The following CDH13 variants were observed in gnomAD, a reference collection of about 807,000 sequenced individuals.
CDH13 encodes cadherin 13.
CDH13 carries 24 observed loss-of-function variants against 63.8 expected under a neutral mutation model. That is an observed-to-expected ratio of 0.38 (90% CI 0.27 to 0.53). The LOEUF (loss-of-function observed/expected upper bound fraction) is 0.53. CDH13 is among the 20% of genes least tolerant of loss of function. The pLI is 0.85. For missense variants in CDH13, 1,049 were observed against 903.1 expected (o/e 1.16, Z -2.07); for synonymous variants, 503 against 355.3 (o/e 1.42, Z -4.67).
chr16:82,700,354 G>A (rs111856844), intron 1 of CDH13, among the ~76,000 whole-genome samples: 83 of 152,306 alleles, frequency 5.4e-4, no homozygotes, highest in African/African-American at 1.7e-3. Flanking sequence ...AGTACCATGC[G>A]TAAAACGTGA....
chr16:82,966,529 T>C lies in CDH13; in HGVS notation c.158-65481T>C, dbSNP rs537832230. On this transcript the variant is annotated intron_variant, in intron 2 of 13. Coordinates refer to ENST00000567109, the MANE Select transcript of CDH13 (RefSeq NM_001257.5). ...CTGAGTTCATCACTGCCAGTCAATC[T>C]GGGCTCAAACATTCCGATCCAGATT... Among the ~76,000 whole-genome samples the C allele has an allele frequency of 7.5e-4, 115 of 152,372 alleles. 1 individual carries two copies. The highest frequency in any genetic ancestry group is 2.7e-3 in the African/African-American group (111 of 41,586).
chr16:83,082,821 A>G (rs2033344114), intron 3 of CDH13, among the ~76,000 whole-genome samples: 1 of 152,240 alleles, frequency 6.6e-6, no homozygotes, highest in Non-Finnish European at 1.5e-5. Flanking sequence ...CCTCAAGCAC[A>G]GAGTCAATAT....
intron 1 of CDH13, among the ~76,000 whole-genome samples, chr16:82,685,172 C>T (rs576485728): frequency 3.9e-4 from 60 of 152,276 alleles, no homozygotes; most frequent in African/African-American, 1.3e-3. Flanking sequence ...GTTTGAGCTG[C>T]TATATAAAAA....
intron 1 of CDH13, among the ~76,000 whole-genome samples, chr16:82,856,989 C>G (rs1367585403): frequency 6.6e-6 from 1 of 152,176 alleles, no homozygotes; most frequent in African/African-American, 2.4e-5. Flanking sequence ...TCCAAACACT[C>G]TCTTCTGGCA....
At chr16:83,445,084 A>G (rs963241969) in intron 6 of CDH13, among the ~76,000 whole-genome samples, 3 of 152,010 alleles carry the variant, frequency 2.0e-5, no homozygotes, top group African/African-American at 4.8e-5. Flanking sequence ...TTAATTTTTG[A>G]TATTTTTCAT....
At chr16:83,552,280 G>T (rs1291172065) in intron 7 of CDH13, among the ~76,000 whole-genome samples, 2 of 152,168 alleles carry the variant, frequency 1.3e-5, no homozygotes, top group Non-Finnish European at 2.9e-5. Flanking sequence ...TAGTTTGAGG[G>T]AGGTCAGAAT....
chr16:82,636,809 T>A (rs899709273), intron 1 of CDH13, among the ~76,000 whole-genome samples: 1 of 152,228 alleles, frequency 6.6e-6, no homozygotes, highest in African/African-American at 2.4e-5. Context: ...TGCCAATTTC[T>A]GTGATGTAAA....
chr16:82,966,793 T>C (rs1044585320), intron 2 of CDH13, among the ~76,000 whole-genome samples: 2 of 152,172 alleles, frequency 1.3e-5, no homozygotes, highest in African/African-American at 4.8e-5. Flanking sequence ...ATGCCCCTTT[T>C]CCCCTCATCT....
intron 10 of CDH13, among the ~76,000 whole-genome samples, chr16:83,685,097 T>A (rs928181781): frequency 1.3e-5 from 2 of 152,228 alleles, no homozygotes; most frequent in Admixed American, 6.5e-5. Flanking sequence ...AGAAGAGGGA[T>A]ACTCCCTCTC....
chr16:83,378,766 T>C (rs1276181026), intron 6 of CDH13, among the ~76,000 whole-genome samples: 8 of 152,176 alleles, frequency 5.3e-5, no homozygotes, highest in Non-Finnish European at 1.2e-4. Flanking sequence ...CCCAGACTTG[T>C]AGGTAACACA....
At chr16:83,277,219 C>G (rs551902550) in intron 5 of CDH13, among the ~76,000 whole-genome samples, 20 of 152,172 alleles carry the variant, frequency 1.3e-4, no homozygotes, top group Non-Finnish European at 2.4e-4. Context: ...GAGGTTTTCT[C>G]ACTCATGGTT....
intron 2 of CDH13, among the ~76,000 whole-genome samples, chr16:82,951,253 C>A (rs1905261214): frequency 6.6e-6 from 1 of 152,160 alleles, no homozygotes; most frequent in African/African-American, 2.4e-5. Flanking sequence ...CCACATCCCT[C>A]ACCCCATCCC....
intron 3 of CDH13, among the ~76,000 whole-genome samples, chr16:83,100,256 A>G (rs2034409813): frequency 6.6e-6 from 1 of 152,170 alleles, no homozygotes. Context: ...AATAATATAA[A>G]TAAGTAAAAT....
chr16:83,234,966 G>A (rs2040102550), intron 5 of CDH13, among the ~76,000 whole-genome samples: 1 of 152,306 alleles, frequency 6.6e-6, no homozygotes, highest in African/African-American at 2.4e-5. Context: ...GGAGGCCTAA[G>A]CCAGAGGATT....
chr16:82,632,067 G>C (rs916424427), intron 1 of CDH13, among the ~76,000 whole-genome samples: 24 of 150,524 alleles, frequency 1.6e-4, no homozygotes, highest in African/African-American at 5.6e-4. Flanking sequence ...TTCTGAAAAA[G>C]TCAGGTCAGG....
At chr16:82,851,279 C>T (rs550659091) in intron 1 of CDH13, among the ~76,000 whole-genome samples, 2 of 151,672 alleles carry the variant, frequency 1.3e-5, no homozygotes, top group Admixed American at 1.3e-4. Flanking sequence ...ACTAAAAATA[C>T]AAAAAATTAG....
At chr16:83,323,830 A>G (rs376129964) in intron 5 of CDH13, among the ~76,000 whole-genome samples, 5 of 152,182 alleles carry the variant, frequency 3.3e-5, no homozygotes, top group Admixed American at 2.6e-4. Context: ...TTCTTTCTAC[A>G]TGTTTCAGAA....
intron 1 of CDH13, among the ~76,000 whole-genome samples, chr16:82,642,369 C>A (rs1909518907): frequency 6.6e-6 from 1 of 152,180 alleles, no homozygotes; most frequent in African/African-American, 2.4e-5. Flanking sequence ...GTCTATGCAT[C>A]CCCGTATTGT....
chr16:83,332,391 C>T (rs1466780197), intron 5 of CDH13, among the ~76,000 whole-genome samples: 1 of 152,018 alleles, frequency 6.6e-6, no homozygotes, highest in Non-Finnish European at 1.5e-5. Context: ...TGTATCAACC[C>T]TAATTTTTTT....
Sources: allele counts gnomAD v4.1 joint callset (sites outside exome capture counted in the v4.1 genomes callset), GRCh38; gene constraint gnomAD v4.1.1; transcripts MANE v1.5; gene names NCBI Gene and HGNC (gene_info 2026-07-23, HGNC 2026-07-21).